TCF4: variants seen among roughly 807,000 people sequenced by gnomAD.
The protein encoded by TCF4 is transcription factor 4, also known as SL3-3 enhancer factor 2.
Under a neutral mutation model 82.1 loss-of-function variants are expected in TCF4, and 3 were observed. The ratio of observed to expected loss-of-function variants is 0.04; its 90% CI spans 0.02 to 0.09. The LOEUF is 0.09. TCF4 is among the 10% of genes least tolerant of loss of function. The pLI is 1.00. For missense variants in TCF4, 518 were observed against 852.7 expected (o/e 0.61, Z 4.89); for synonymous variants, 276 against 309.6 (o/e 0.89, Z 1.14).
intron 3 of TCF4, among the ~76,000 whole-genome samples, chr18:55,559,566 T>C (rs564096911): frequency 6.6e-6 from 1 of 151,628 alleles, no homozygotes; most frequent in Admixed American, 6.6e-5. Flanking sequence ...CTTCTGAATA[T>C]AAACTGATAA....
In TCF4 at chr18:55,223,159, G is replaced by C. The variant is rs922250721; in HGVS notation, c.*4876C>G. The C allele has an allele frequency of 6.6e-5, 10 of 152,244 alleles. No individual in the cohort carries two copies. Among genetic ancestry groups the C allele is most frequent in the African/African-American group, 2.2e-4 (9 of 41,558 alleles). The allele number at this position is 152,244 out of a possible 1,614,324, so 9.4% of individuals were successfully genotyped here. A position where few individuals can be genotyped will look rare whatever the true frequency, so the allele number is the denominator to read the frequency against. On this transcript the variant is annotated 3_prime_UTR_variant, in exon 20 of 20. Transcript: ENST00000354452. ...CAGTTCAGAGCTCTTCAAATGCATA[G>C]CTTCAGTGTTACACACACATTAATT...
chr18:55,576,828 T>G (rs1290815165), intron 3 of TCF4, among the ~76,000 whole-genome samples: 1 of 152,064 alleles, frequency 6.6e-6, no homozygotes, highest in Non-Finnish European at 1.5e-5. Flanking sequence ...TAACACAAAC[T>G]CGTGAACTTT....
At chr18:55,465,603 T>C (rs188754278) in intron 3 of TCF4, among the ~76,000 whole-genome samples, 56 of 152,250 alleles carry the variant, frequency 3.7e-4, no homozygotes, top group Middle Eastern at 6.8e-3. Flanking sequence ...CTTCCCCAGA[T>C]CTGCTGTTTA....
Position 55,224,160 on chromosome 18 carries a change from TCTG to T in TCF4, c.*3872_*3874del, listed in dbSNP as rs999051229. On this transcript the variant is annotated 3_prime_UTR_variant, in exon 20 of 20. Coordinates refer to ENST00000354452, the MANE Select transcript of TCF4 (RefSeq NM_001083962.2). ...GCCAGGCACTGATACATGGTAAATC[TCTG>T]CTTTTTTTTTTTTTTTCTTATCTTC... 1 of 135,548 alleles carries T rather than the reference TCTG, an allele frequency of 7.4e-6. No individual in the cohort carries two copies. The highest frequency in any genetic ancestry group is 3.0e-5 in the African/African-American group (1 of 33,464). The allele number at this position is 135,548 out of a possible 1,614,324, so 8.4% of individuals were successfully genotyped here. A position where few individuals can be genotyped will look rare whatever the true frequency, so the allele number is the denominator to read the frequency against.
At chr18:55,513,931 T>C (rs1376701406) in intron 3 of TCF4, among the ~76,000 whole-genome samples, 6 of 152,188 alleles carry the variant, frequency 3.9e-5, no homozygotes, top group Non-Finnish European at 8.8e-5. Flanking sequence ...CTAATTGAGT[T>C]ATCATAAACA....
At chr18:55,566,081 C>T (rs1343440046) in intron 3 of TCF4, among the ~76,000 whole-genome samples, 4 of 150,402 alleles carry the variant, frequency 2.7e-5, no homozygotes, top group Non-Finnish European at 4.4e-5. Context: ...GGCGTGGTGA[C>T]GGGTGCCTGT....
chr18:55,416,886 C>G (rs927401455), intron 5 of TCF4, among the ~76,000 whole-genome samples: 1 of 152,174 alleles, frequency 6.6e-6, no homozygotes, highest in Non-Finnish European at 1.5e-5. Flanking sequence ...TAAGGGGAAT[C>G]AACTGTGTGT....
At chr18:55,514,405 G>GCACACA (rs74182104) in intron 3 of TCF4, among the ~76,000 whole-genome samples, 423 of 130,286 alleles carry the variant, frequency 3.2e-3, no homozygotes, top group South Asian at 8.7e-3. Flanking sequence ...ATCTATCCAT[G>GCACACA]CACACACACA....
At chr18:55,289,755 TAA>T (rs769507761) in intron 8 of TCF4, among the ~76,000 whole-genome samples, 1 of 152,100 alleles carries the variant, frequency 6.6e-6, no homozygotes, top group Non-Finnish European at 1.5e-5. Context: ...GACTCTACAA[TAA>T]AGACAGAAAT....
intron 8 of TCF4, among the ~76,000 whole-genome samples, chr18:55,326,615 GT>G: frequency 6.6e-6 from 1 of 152,156 alleles, no homozygotes; most frequent in South Asian, 2.1e-4. Flanking sequence ...CTGCTGATGT[GT>G]TAGTACTCAA....
At chr18:55,378,709 C>T (rs1429777521) in intron 6 of TCF4, among the ~76,000 whole-genome samples, 1 of 152,210 alleles carries the variant, frequency 6.6e-6, no homozygotes, top group Admixed American at 6.5e-5. Context: ...AACATAAAGT[C>T]AGACCTTTTC....
intron 3 of TCF4, among the ~76,000 whole-genome samples, chr18:55,578,633 T>C (rs531682336): frequency 1.3e-4 from 20 of 152,192 alleles, no homozygotes; most frequent in African/African-American, 4.8e-4. Flanking sequence ...TTCTGGCACA[T>C]GAGAATTTAT....
intron 19 of TCF4, 75 bp downstream of exon 19, chr18:55,228,146 A>C: frequency 6.3e-7 from 1 of 1,584,740 alleles, no homozygotes; most frequent in South Asian, 1.1e-5. Flanking sequence ...ATTTGGGTGA[A>C]ATTCACTTTT....
At chr18:55,232,397 C>A in intron 17 of TCF4, 112 bp downstream of exon 17, 1 of 1,235,848 alleles carries the variant, frequency 8.1e-7, no homozygotes, top group South Asian at 1.3e-5. Context: ...ATTTTCTTTT[C>A]AGCTGTAAAT....
At chr18:55,589,809 G>C (rs1187473268), upstream of TCF4, 4 of 1,008,018 alleles carry the variant, frequency 4.0e-6, no homozygotes, top group African/African-American at 5.2e-5. Flanking sequence ...GGCTTATAAA[G>C]AGAAGGAGCT....
intron 15 of TCF4, among the ~76,000 whole-genome samples, chr18:55,244,897 GA>G (rs2052562126): frequency 6.6e-6 from 1 of 152,162 alleles, no homozygotes. Flanking sequence ...TTAAAATGTG[GA>G]AACTCAATAC....
At chr18:55,494,200 C>A (rs1268622651) in intron 3 of TCF4, among the ~76,000 whole-genome samples, 1 of 111,304 alleles carries the variant, frequency 9.0e-6, no homozygotes, top group East Asian at 2.0e-4. Context: ...CAGGCATGTA[C>A]AACCAGGAAG....
chr18:55,448,668 T>A (rs1167869723), intron 5 of TCF4, among the ~76,000 whole-genome samples: 1 of 152,252 alleles, frequency 6.6e-6, no homozygotes, highest in Non-Finnish European at 1.5e-5. Context: ...GAGCAGCTTC[T>A]CTAAAGTGCT....
chr18:55,381,060 CAT>C (rs777440573), intron 6 of TCF4, among the ~76,000 whole-genome samples: 1 of 152,260 alleles, frequency 6.6e-6, no homozygotes, highest in South Asian at 2.1e-4. Context: ...TTTTAAATCA[CAT>C]GTTAATTAAC....
Sources: gnomAD v4.1 joint callset for allele counts (sites outside exome capture counted in the v4.1 genomes callset) on GRCh38, gnomAD v4.1.1 for gene constraint, MANE v1.5 for transcripts, NCBI Gene and HGNC (gene_info 2026-07-23, HGNC 2026-07-21) for gene names.